Variants in TNIK observed in about 807,000 individuals in gnomAD.
TNIK encodes TRAF2 and NCK-interacting protein kinase.
Under a neutral mutation model 191.3 loss-of-function variants are expected in TNIK, and 49 were observed. The observed-to-expected ratio is 0.26, with a 90% confidence interval of 0.20 to 0.32. The LOEUF is 0.32. Ranked by LOEUF, TNIK falls within the 10% of genes least tolerant of loss-of-function variation. TNIK has a pLI of 1.00. For synonymous variants in TNIK, 594 were observed against 600.9 expected, an observed-to-expected ratio of 0.99 and a Z score of 0.17; for missense variants, 1,155 against 1,702.3, an observed-to-expected ratio of 0.68 and a Z score of 5.66.
intron 1 of TNIK, among the ~76,000 whole-genome samples, chr3:171,424,783 T>A (rs1724313028): frequency 7.8e-6 from 1 of 128,760 alleles, no homozygotes; most frequent in Admixed American, 1.0e-4. Flanking sequence ...AATTGAACAA[T>A]GAGAACACAT....
At chr3:171,365,315 TG>T (rs778514594) in intron 2 of TNIK, among the ~76,000 whole-genome samples, 16 of 151,850 alleles carry the variant, frequency 1.1e-4, no homozygotes, top group Non-Finnish European at 1.8e-4. Context: ...TCTGAGTAGC[TG>T]GGATTACAGG....
At chr3:171,324,970 G>A (rs1393740415) in intron 2 of TNIK, among the ~76,000 whole-genome samples, 1 of 152,016 alleles carries the variant, frequency 6.6e-6, no homozygotes, top group Admixed American at 6.6e-5. Context: ...GTATGCTGGC[G>A]GGTGCCTGTA....
At chr3:171,126,482 T>C (rs951559049) in intron 16 of TNIK, among the ~76,000 whole-genome samples, 2 of 152,240 alleles carry the variant, frequency 1.3e-5, no homozygotes, top group Non-Finnish European at 2.9e-5. Flanking sequence ...TCTGCTAATA[T>C]TATGAAATTC....
intron 12 of TNIK, among the ~76,000 whole-genome samples, chr3:171,155,303 G>A (rs1576985070): frequency 1.3e-5 from 2 of 152,188 alleles, no homozygotes; most frequent in Non-Finnish European, 1.5e-5. Flanking sequence ...AAGAGTTCCT[G>A]GTGGGAGAGA....
chr3:171,360,404 T>C (rs972937158), intron 2 of TNIK, among the ~76,000 whole-genome samples: 3 of 152,230 alleles, frequency 2.0e-5, no homozygotes, highest in Non-Finnish European at 4.4e-5. Context: ...AGGCTGTAAG[T>C]GGATTCATGG....
Position 171,460,077 on chromosome 3 carries a change from C to T in TNIK, c.-14G>A, listed in dbSNP as rs1344299554. The T allele has an allele frequency of 1.2e-6, 2 of 1,601,594 alleles. No individual in the cohort carries two copies. The highest frequency in any genetic ancestry group is 2.3e-5 in the East Asian group (1 of 44,438). On this transcript the variant is annotated 5_prime_UTR_variant, in exon 1 of 33. Transcript: ENST00000436636. The surrounding 1 kb of genome is among the most constrained non-coding windows in gnomAD (Gnocchi z 6.8). ...GTCGCTCGCCATGTCTACTTCTTCG[C>T]TGGAGAAATGGACCAAAACCACCCC...
chr3:171,164,800 G>A (rs556075314), intron 10 of TNIK, among the ~76,000 whole-genome samples: 4 of 152,312 alleles, frequency 2.6e-5, no homozygotes, highest in African/African-American at 9.6e-5. Context: ...ATCAGTCCTG[G>A]AACTTTTGAG....
intron 1 of TNIK, among the ~76,000 whole-genome samples, chr3:171,383,201 G>A (rs1227520674): frequency 1.3e-5 from 2 of 152,156 alleles, no homozygotes; most frequent in Non-Finnish European, 2.9e-5. Flanking sequence ...AGGGGGCAAG[G>A]AAAGACCAGA....
At chr3:171,310,280 T>C (rs1753881669) in intron 2 of TNIK, among the ~76,000 whole-genome samples, 1 of 152,140 alleles carries the variant, frequency 6.6e-6, no homozygotes, top group Non-Finnish European at 1.5e-5. Context: ...ACTGGGCTCA[T>C]ACTGAATCTA....
At chr3:171,200,824 C>T (rs1192222144) in intron 4 of TNIK, among the ~76,000 whole-genome samples, 1 of 152,176 alleles carries the variant, frequency 6.6e-6, no homozygotes, top group Non-Finnish European at 1.5e-5. Flanking sequence ...TATTCACTCC[C>T]TTGCTAGTTT....
chr3:171,410,778 C>CAAA lies in TNIK; in HGVS notation c.58-41096_58-41094dup, dbSNP rs55965220. Among the ~76,000 whole-genome samples the CAAA allele has an allele frequency of 7.8e-4, 58 of 73,910 alleles. 2 individuals are homozygous for CAAA. Among genetic ancestry groups the CAAA allele is most frequent in the African/African-American group, 2.4e-3 (45 of 18,652 alleles). The allele number at this position is 73,910 out of a possible 152,430, so 48.5% of individuals were successfully genotyped here. On this transcript the variant is annotated intron_variant, in intron 1 of 32. Transcript: ENST00000436636. ...TGGGCGACAGAGCAAGACTCCATCT[C>CAAA]AAAAAAAAAAAAAAAAAAAAAAAAA... is the stretch of plus-strand genomic sequence containing the variant.
chr3:171,193,618 CTTT>C (rs1339020716), intron 5 of TNIK, among the ~76,000 whole-genome samples: 11 of 152,148 alleles, frequency 7.2e-5, no homozygotes, highest in Non-Finnish European at 1.3e-4. Flanking sequence ...TGCCTTCCTT[CTTT>C]TTTAACTTCT....
intron 9 of TNIK, among the ~76,000 whole-genome samples, chr3:171,173,407 A>AG (rs957401696): frequency 3.4e-5 from 5 of 147,166 alleles, no homozygotes; most frequent in Non-Finnish European, 5.9e-5. Context: ...AAAAAAAAAA[A>AG]AAAGAAAAGA....
intron 12 of TNIK, among the ~76,000 whole-genome samples, chr3:171,146,845 G>A (rs559395777): frequency 1.3e-5 from 2 of 149,754 alleles, no homozygotes; most frequent in African/African-American, 2.5e-5. Context: ...AGCTGAGATC[G>A]TGCCACTGTA....
chr3:171,097,325 C>T (rs1437867713), intron 22 of TNIK, among the ~76,000 whole-genome samples: 1 of 152,216 alleles, frequency 6.6e-6, no homozygotes, highest in East Asian at 1.9e-4. Flanking sequence ...AAACAGTGTA[C>T]ATTCTAGTTG....
chr3:171,232,142 AAG>A (rs1265251684), intron 2 of TNIK, among the ~76,000 whole-genome samples: 1 of 152,116 alleles, frequency 6.6e-6, no homozygotes, highest in East Asian at 1.9e-4. Context: ...TTTTCCTTAT[AAG>A]AGAAATTTAA....
intron 3 of TNIK, among the ~76,000 whole-genome samples, chr3:171,211,571 T>C (rs1378160583): frequency 1.3e-5 from 2 of 152,146 alleles, no homozygotes; most frequent in African/African-American, 4.8e-5. Context: ...GGGAACTACA[T>C]CCATCAAGTA....
intron 6 of TNIK, 78 bp downstream of exon 6, chr3:171,190,619 A>G (rs1577076173): frequency 3.6e-6 from 4 of 1,123,744 alleles, no homozygotes; most frequent in Non-Finnish European, 3.8e-6. Context: ...GTGACAAATT[A>G]ACATTAATTT....
intron 3 of TNIK, among the ~76,000 whole-genome samples, chr3:171,227,131 G>A (rs1743064269): frequency 6.6e-6 from 1 of 152,098 alleles, no homozygotes; most frequent in African/African-American, 2.4e-5. Flanking sequence ...TGCCTTTGAT[G>A]TCCAGTGAAT....
Sources: gnomAD v4.1 joint callset for allele counts (sites outside exome capture counted in the v4.1 genomes callset) on GRCh38, gnomAD v4.1.1 for gene constraint, Gnocchi (gnomAD v3.1) non-coding constraint, MANE v1.5 for transcripts, NCBI Gene and HGNC (gene_info 2026-07-23, HGNC 2026-07-21) for gene names.